The following TANC1 variants were observed in gnomAD, a reference collection of about 807,000 sequenced individuals.
TANC1 encodes tetratricopeptide repeat, ankyrin repeat and coiled-coil containing 1, also known as protein TANC1.
In TANC1, 77 loss-of-function variants were observed where a neutral mutation model predicts 149.7. The observed-to-expected ratio is 0.51, with a 90% CI of 0.43 to 0.62. The LOEUF (loss-of-function observed/expected upper bound fraction) is 0.62. Ranked by LOEUF, TANC1 falls within the 20% of genes least tolerant of loss-of-function variation. The pLI, the probability that TANC1 is intolerant of heterozygous loss-of-function variation, is 0.00. For synonymous variants in TANC1, 854 were observed against 925.0 expected (o/e 0.92, Z 1.39); for missense variants, 1,985 against 2,321.8 (o/e 0.85, Z 2.98).
chr2:159,125,835 G>A (rs181667658), intron 4 of TANC1, among the ~76,000 whole-genome samples: 4 of 152,070 alleles, frequency 2.6e-5, no homozygotes, highest in East Asian at 1.9e-4. Flanking sequence ...TGATCCACCC[G>A]CCTCGGTCTC....
chr2:159,199,572 T>C (rs2058098749), intron 19 of TANC1, among the ~76,000 whole-genome samples: 1 of 152,256 alleles, frequency 6.6e-6, no homozygotes, highest in South Asian at 2.1e-4. Flanking sequence ...CATTGGTCTT[T>C]ACAGTGAGAA....
chr2:159,117,910 G>C (rs2048450101), intron 4 of TANC1, among the ~76,000 whole-genome samples: 1 of 147,994 alleles, frequency 6.8e-6, no homozygotes, highest in Non-Finnish European at 1.5e-5. Flanking sequence ...CCCCTCTACT[G>C]GAGTTTTTCT....
intron 2 of TANC1, among the ~76,000 whole-genome samples, chr2:159,021,000 C>T (rs1559140211): frequency 6.6e-6 from 1 of 151,948 alleles, no homozygotes; most frequent in Non-Finnish European, 1.5e-5. Flanking sequence ...TCATATACAT[C>T]TTCTGAGCTA....
chr2:158,977,260 C>A (rs2033796069), intron 1 of TANC1, among the ~76,000 whole-genome samples: 1 of 152,122 alleles, frequency 6.6e-6, no homozygotes, highest in Admixed American at 6.5e-5. Flanking sequence ...TCCCCTCAGA[C>A]TCCCAAGTAT....
chr2:159,116,430 A>AAACAAC (rs70994264), intron 4 of TANC1, among the ~76,000 whole-genome samples: 12,197 of 148,542 alleles, frequency 0.082, 715 homozygotes, highest in Middle Eastern at 0.15. Context: ...CAGTCTCAAA[A>AAACAAC]AACAACAACA....
At chr2:159,094,772 T>TGG (rs1553547214) in intron 3 of TANC1, among the ~76,000 whole-genome samples, 1 of 66,876 alleles carries the variant, frequency 1.5e-5, no homozygotes, top group African/African-American at 1.0e-4. Flanking sequence ...CTTGTGTGTG[T>TGG]GTGGGGGGGG....
At chr2:159,046,694 G>A (rs1311783493) in intron 2 of TANC1, among the ~76,000 whole-genome samples, 4 of 143,020 alleles carry the variant, frequency 2.8e-5, no homozygotes, top group African/African-American at 7.9e-5. Context: ...CTGCCTCCTT[G>A]GGCTCAAGCG....
At chr2:159,194,600 A>C in intron 17 of TANC1, 107 bp downstream of exon 17, 1 of 1,005,964 alleles carries the variant, frequency 9.9e-7, no homozygotes, top group East Asian at 2.4e-5. Flanking sequence ...AAACCACAGC[A>C]TACACAGAAA....
intron 19 of TANC1, among the ~76,000 whole-genome samples, chr2:159,210,385 C>T (rs2058903686): frequency 6.6e-6 from 1 of 152,124 alleles, no homozygotes; most frequent in African/African-American, 2.4e-5. Context: ...TTAGGAATAG[C>T]CCTGTTTGTG....
chr2:159,187,750 C>T (rs1256826984), intron 16 of TANC1, among the ~76,000 whole-genome samples: 1 of 152,216 alleles, frequency 6.6e-6, no homozygotes, highest in African/African-American at 2.4e-5. Flanking sequence ...CCCCGAATCA[C>T]TCACATTGTT....
At chr2:159,148,560 T>TCAC (rs1329765173) in intron 5 of TANC1, 1 of 152,294 alleles carries the variant, frequency 6.6e-6, no homozygotes, top group Non-Finnish European at 1.5e-5. Context: ...ATTTTAAATT[T>TCAC]TTGTTTCAAC....
At chr2:159,179,793 A>G (rs919227356) in intron 14 of TANC1, among the ~76,000 whole-genome samples, 1 of 152,116 alleles carries the variant, frequency 6.6e-6, no homozygotes, top group Non-Finnish European at 1.5e-5. Flanking sequence ...TCACAGTGGG[A>G]TGGGGAAGGA....
intron 2 of TANC1, 121 bp from the exon 3 acceptor site, chr2:159,065,775 G>A: frequency 1.5e-6 from 1 of 677,386 alleles, no homozygotes; most frequent in South Asian, 1.8e-5. Context: ...GTAAGGCTTA[G>A]GGTACCTTAA....
intron 3 of TANC1, among the ~76,000 whole-genome samples, chr2:159,067,154 C>A (rs1481033762): frequency 6.6e-6 from 1 of 152,102 alleles, no homozygotes; most frequent in East Asian, 1.9e-4. Flanking sequence ...TCTTGCAATG[C>A]CTTGTGATAA....
intron 1 of TANC1, among the ~76,000 whole-genome samples, chr2:158,971,680 C>T (rs1573884253): frequency 6.6e-6 from 1 of 152,106 alleles, no homozygotes; most frequent in Non-Finnish European, 1.5e-5. Flanking sequence ...AATGGGATTA[C>T]CTTGCATCCC....
intron 3 of TANC1, among the ~76,000 whole-genome samples, chr2:159,097,061 C>T (rs886968317): frequency 7.2e-5 from 11 of 152,030 alleles, no homozygotes; most frequent in African/African-American, 2.4e-4. Context: ...GCAATGTTTC[C>T]AGTCCCATGA....
At chr2:158,997,384 C>T (rs548116607) in intron 1 of TANC1, among the ~76,000 whole-genome samples, 1 of 152,272 alleles carries the variant, frequency 6.6e-6, no homozygotes, top group Non-Finnish European at 1.5e-5. Context: ...TTAGGTTTAG[C>T]TTGACATAGA....
chr2:159,091,174 C>T (rs1200935706), intron 3 of TANC1, among the ~76,000 whole-genome samples: 1 of 152,086 alleles, frequency 6.6e-6, no homozygotes. Flanking sequence ...GGGAGCAATA[C>T]TGAGACAGTG....
chr2:159,227,832 A>G lies in TANC1; in HGVS notation c.3917A>G (p.Lys1306Arg). ...TTTGAATCCTAGAAAGGGAAAATGA[A>G]AGAGGCAGCCCAGAGGTACCAGTAT... Reference protein sequence around the residue: ...GNVMYKKGKMKEAAQRYQYAL... With the variant: ...GNVMYKKGKMREAAQRYQYAL... The change falls in exon 25 of 27, where the codon AAA becomes AGA. Residue 1306 changes from lysine to arginine, a missense_variant. By Grantham distance (26) the Lys-to-Arg change is conservative. Around this residue, in one of 3 missense-constraint regions of TANC1, gnomAD observed 920 missense variants for 994.7 expected, o/e 0.92. Coordinates refer to ENST00000263635, the MANE Select transcript of TANC1 (RefSeq NM_033394.3). 6.2e-7 allele frequency: 1 copy of G among 1,613,714 alleles called. No homozygotes were observed. Among genetic ancestry groups the G allele is most frequent in the Non-Finnish European group, 8.5e-7 (1 of 1,179,918 alleles).
Sources: gnomAD v4.1 joint callset for allele counts (sites outside exome capture counted in the v4.1 genomes callset) on GRCh38, gnomAD v4.1.1 for gene constraint, gnomAD v4.1.1 regional missense constraint, MANE v1.5 for transcripts, NCBI Gene and HGNC (gene_info 2026-07-23, HGNC 2026-07-21) for gene names.